FBXL3: variants seen among roughly 807,000 people sequenced by gnomAD.
FBXL3 encodes F-box and leucine rich repeat protein 3.
A neutral mutation model predicts 37.9 loss-of-function variants in FBXL3; 14 were observed. The ratio of observed to expected loss-of-function variants is 0.37; its 90% CI spans 0.24 to 0.58. The LOEUF (loss-of-function observed/expected upper bound fraction) is 0.58. Among genes scored for constraint, FBXL3 ranks in the 20% least tolerant of loss-of-function variants. The pLI is 0.74. For missense variants in FBXL3, 327 were observed against 511.1 expected, an observed-to-expected ratio of 0.64 and a Z score of 3.47; for synonymous variants, 194 against 180.1, an observed-to-expected ratio of 1.08 and a Z score of -0.62.
intron 3 of FBXL3, chr13:77,016,384 A>G (rs1403848332): frequency 6.6e-6 from 1 of 152,220 alleles, no homozygotes; most frequent in Non-Finnish European, 1.5e-5. Context: ...ACCACTGGGC[A>G]AAGAATCTAG....
intron 1 of FBXL3, among the ~76,000 whole-genome samples, chr13:77,023,204 G>A (rs972541759): frequency 6.6e-6 from 1 of 152,172 alleles, no homozygotes; most frequent in African/African-American, 2.4e-5. Context: ...CTGTCACCCA[G>A]GCTGGAGTGC....
Position 77,007,324 on chromosome 13 carries a change from C to T in FBXL3, c.1108G>A (p.Glu370Lys), listed in dbSNP as rs779659265. The change falls in exon 5 of 5, where the codon GAA (glutamate) becomes AAA (lysine). Residue 370 changes from glutamate (E) to lysine (K), a missense_variant. Glu to Lys is a moderately conservative substitution (Grantham distance 56). Coordinates refer to ENST00000355619, the MANE Select transcript of FBXL3 (RefSeq NM_012158.4). ...TCAACAAAGGCACTACATGAGACTT[C>T]ACATTCCCCTAGTCCAATAGCTGAC... The part of the protein sequence containing the change: ...NLSAIGLGEC[E>K]VSCSAFVEFV... 2.5e-6 allele frequency: 4 copies of T among 1,614,194 alleles called. No individual in the cohort carries two copies. In the South Asian group the frequency reaches 4.4e-5, roughly 18 times the overall value.
chr13:77,026,362 T>A lies in FBXL3; in HGVS notation c.-2+465A>T, dbSNP rs868811018. On this transcript the variant is annotated intron_variant, in intron 1 of 4. Transcript: ENST00000355619. ...CACCTCCCCACCGACTGGCTTCCCC[T>A]GACATTTCTCATGCGCCCCACCCTG... 5.1e-6 allele frequency: 5 copies of A among 985,160 alleles called. No homozygotes were observed. The South Asian group carries it at 1.9e-4, about 37-fold the overall frequency. The allele number at this position is 985,160 out of a possible 1,614,324, so 61.0% of individuals were successfully genotyped here.
In FBXL3 at chr13:77,015,687, T is replaced by C. The variant is rs1268011067; in HGVS notation, c.472-107A>G. The C allele has an allele frequency of 4.1e-6, 3 of 726,798 alleles. No individual in the cohort carries two copies. The East Asian group carries it at 9.6e-5, about 23-fold the overall frequency. 45.0% of individuals were successfully genotyped at this position (726,798 alleles called of 1,614,324 possible). The stretch of plus-strand genomic sequence containing the variant: ...TCTGAACCATAATGACATATTAATA[T>C]TTTGTAAATGTTTTAGGGGTGGCAT... On this transcript the variant is annotated intron_variant, in intron 3 of 4. Coordinates refer to ENST00000355619, the MANE Select transcript of FBXL3 (RefSeq NM_012158.4).
intron 3 of FBXL3, chr13:77,016,637 A>C (rs2034647684): frequency 6.6e-6 from 1 of 152,106 alleles, no homozygotes; most frequent in Admixed American, 6.6e-5. Flanking sequence ...CCTGAACTTA[A>C]GCAATCCTGT....
intron 3 of FBXL3, chr13:77,017,170 GTTA>G (rs1271106175): frequency 5.9e-5 from 9 of 151,996 alleles, no homozygotes; most frequent in African/African-American, 2.2e-4. Flanking sequence ...AAGAAAAACA[GTTA>G]TTAAGTATCC....
At chr13:77,024,487 CG>C (rs1429905455) in intron 1 of FBXL3, among the ~76,000 whole-genome samples, 1 of 152,068 alleles carries the variant, frequency 6.6e-6, no homozygotes, top group African/African-American at 2.4e-5. Flanking sequence ...AACTTAAAGA[CG>C]GAATGATTCA....
At chr13:77,026,723 GCC>G (rs1381622986) in intron 1 of FBXL3, 102 bp downstream of exon 1, 1 of 12,328 alleles carries the variant, frequency 8.1e-5, no homozygotes, top group Admixed American at 8.3e-4. Flanking sequence ...CGGCCCCCGC[GCC>G]CCCCCCCACC....
intron 4 of FBXL3, chr13:77,013,526 C>T (rs1397087457): frequency 1.3e-5 from 2 of 152,210 alleles, no homozygotes; most frequent in African/African-American, 4.8e-5. Context: ...CAGCTGACAC[C>T]ATCCAGACTG....
In FBXL3 at chr13:77,021,494, G is replaced by C. The variant is rs749134463; in HGVS notation, c.348+19C>G. ...ACTAAAAATACTTTATTTTTTAAAA[G>C]AAGGATTTAAAATATTACCTTGAAG... On this transcript the variant is annotated intron_variant, in intron 2 of 4. Transcript: ENST00000355619. 4 of 1,544,516 alleles carry C rather than the reference G, an allele frequency of 2.6e-6. No homozygotes were observed. The highest frequency in any genetic ancestry group is 1.7e-4 in the Middle Eastern group (1 of 5,754).
chr13:77,012,161 T>A (rs2034566780), intron 4 of FBXL3, among the ~76,000 whole-genome samples: 1 of 152,176 alleles, frequency 6.6e-6, no homozygotes, highest in Admixed American at 6.5e-5. Context: ...AATAAAAGCA[T>A]TCTAAAATTG....
chr13:77,024,463 A>C (rs2034802730), intron 1 of FBXL3, among the ~76,000 whole-genome samples: 1 of 152,210 alleles, frequency 6.6e-6, no homozygotes, highest in African/African-American at 2.4e-5. Flanking sequence ...AATCTTCTAA[A>C]ACCAGAACTA....
intron 4 of FBXL3, 133 bp downstream of exon 4, chr13:77,015,273 TTAC>T (rs1332402225): frequency 3.0e-5 from 16 of 531,380 alleles, no homozygotes; most frequent in Non-Finnish European, 4.9e-5. Flanking sequence ...TGCTATTCTA[TTAC>T]TACATTAAAA....
Position 77,007,325 on chromosome 13 carries a change from A to C in FBXL3, c.1107T>G (p.Cys369Trp). The C allele has an allele frequency of 1.2e-6, 2 of 1,614,214 alleles. No individual in the cohort carries two copies. Among genetic ancestry groups the C allele is most frequent in the Non-Finnish European group, 1.7e-6 (2 of 1,180,036 alleles). ...CAACAAAGGCACTACATGAGACTTC[A>C]CATTCCCCTAGTCCAATAGCTGACA... is the stretch of plus-strand genomic sequence containing the variant. ...KNLSAIGLGE[C>W]EVSCSAFVEF... The change falls in exon 5 of 5, where the codon TGT (cysteine) becomes TGG (tryptophan). Residue 369 changes from cysteine to tryptophan, a missense_variant. Cys to Trp is a radical substitution (Grantham distance 215). Coordinates refer to ENST00000355619, the MANE Select transcript of FBXL3 (RefSeq NM_012158.4).
intron 3 of FBXL3, chr13:77,015,872 C>G (rs1207406892): frequency 1.1e-5 from 2 of 187,270 alleles, no homozygotes; most frequent in Non-Finnish European, 2.2e-5. Context: ...AATTCTGGAA[C>G]CCAGGATGAG....
intron 4 of FBXL3, chr13:77,010,521 C>T (rs2034530280): frequency 1.3e-5 from 2 of 152,330 alleles, no homozygotes; most frequent in South Asian, 4.1e-4. Context: ...AAAGCAGTTT[C>T]CTCTGGCTGA....
chr13:77,018,692 C>T lies in FBXL3; in HGVS notation c.379G>A (p.Ala127Thr). 6.3e-7 allele frequency: 1 copy of T among 1,589,930 alleles called. No individual in the cohort carries two copies. The highest frequency in any genetic ancestry group is 8.5e-7 in the Non-Finnish European group (1 of 1,169,818). ...ACAAGTTGCGATAGTATATCACAAG[C>T]TGCTTCAGCTGATTCCTTGCTGCTG... ...VDSSKESAEAACDILSQLVNC... is the reference protein window; with the variant it reads ...VDSSKESAEATCDILSQLVNC... The change falls in exon 3 of 5, where the codon GCT becomes ACT. Residue 127 changes from alanine (A) to threonine (T), a missense_variant. Transcript: ENST00000355619.
At chr13:77,023,563 T>C (rs11840904) in intron 1 of FBXL3, among the ~76,000 whole-genome samples, 36 of 152,220 alleles carry the variant, frequency 2.4e-4, no homozygotes, top group Admixed American at 6.5e-4. Flanking sequence ...ATCGGACTTT[T>C]TGGAAAAGTA....
intron 4 of FBXL3, among the ~76,000 whole-genome samples, chr13:77,011,673 G>C (rs1251668210): frequency 6.7e-6 from 1 of 148,692 alleles, no homozygotes; most frequent in Admixed American, 6.9e-5. Context: ...CAGTAAGCCA[G>C]GATCACGCCA....
Sources: gnomAD v4.1 joint callset for allele counts (sites outside exome capture counted in the v4.1 genomes callset) on GRCh38, gnomAD v4.1.1 for gene constraint, MANE v1.5 for transcripts, NCBI Gene and HGNC (gene_info 2026-07-23, HGNC 2026-07-21) for gene names.